Variants in NBAS observed in about 807,000 individuals in gnomAD.
NBAS encodes the protein NAG/BC035112 fusion.
In NBAS, 219 loss-of-function variants were observed where a neutral mutation model predicts 302.5. The ratio of observed to expected loss-of-function variants is 0.72; its 90% confidence interval spans 0.65 to 0.81. The LOEUF is 0.81. NBAS is among the 30% of genes least tolerant of loss of function. The pLI, the probability that NBAS is intolerant of heterozygous loss-of-function variation, is 0.00. For synonymous variants in NBAS, 1,118 were observed against 1,021.6 expected, an observed-to-expected ratio of 1.09 and a Z score of -1.80; for missense variants, 2,932 against 2,841.6, an observed-to-expected ratio of 1.03 and a Z score of -0.72.
the NBAS span, among the ~76,000 whole-genome samples, chr2:14,786,918 G>A: frequency 2.6e-5 from 4 of 152,134 alleles, no homozygotes; most frequent in African/African-American, 4.8e-5. Context: ...TGTTGACAGT[G>A]GGGTGTTAAA....
chr2:14,938,928 T>G, the NBAS span, among the ~76,000 whole-genome samples: 3 of 152,196 alleles, frequency 2.0e-5, no homozygotes, highest in African/African-American at 4.8e-5. Context: ...CTATAGAAAT[T>G]TTCTTTGGTC....
At chr2:15,543,375 G>A (rs1663945077) in intron 6 of NBAS, among the ~76,000 whole-genome samples, 1 of 152,074 alleles carries the variant, frequency 6.6e-6, no homozygotes, top group Non-Finnish European at 1.5e-5. Context: ...ACCCTAAGTA[G>A]CCTCTGAGCC....
chr2:15,109,527 A>G, the NBAS span, among the ~76,000 whole-genome samples: 2 of 152,158 alleles, frequency 1.3e-5, no homozygotes, highest in Non-Finnish European at 2.9e-5. Context: ...CTTCTGTAAC[A>G]GAATGCCATA....
intron 22 of NBAS, among the ~76,000 whole-genome samples, chr2:15,427,197 A>G (rs1485807452): frequency 6.6e-6 from 1 of 152,134 alleles, no homozygotes; most frequent in East Asian, 1.9e-4. Flanking sequence ...AAAAACAAAA[A>G]GGAAGAAGAG....
intron 1 of NBAS, among the ~76,000 whole-genome samples, chr2:15,559,011 C>T (rs1404981780): frequency 7.4e-6 from 1 of 135,652 alleles, no homozygotes; most frequent in Non-Finnish European, 1.6e-5. Context: ...TACAGTGAGC[C>T]CTGATCATGC....
At chr2:15,198,452 G>A (rs1277496216) in intron 48 of NBAS, among the ~76,000 whole-genome samples, 1 of 152,166 alleles carries the variant, frequency 6.6e-6, no homozygotes, top group Non-Finnish European at 1.5e-5. Context: ...ATTTGGACAT[G>A]TAGAGGTAAG....
At position 15,218,872 on chromosome 2, in the gene NBAS, C is replaced by G; in HGVS notation, c.6333G>C (p.Gln2111His). The change falls in exon 48 of 52, where the codon CAG becomes CAC. Residue 2111 changes from glutamine to histidine, a missense_variant. Physicochemically the swap from Gln to His is conservative, Grantham distance 24. Coordinates refer to ENST00000281513, the MANE Select transcript of NBAS (RefSeq NM_015909.4). Reference protein sequence around the residue: ...WPVRPRIHVLQILGQSFHLTE... With the variant: ...WPVRPRIHVLHILGQSFHLTE... ...TCAGGTGAAATGATTGCCCCAAAAT[C>G]TGCAGCACGTGAATGCGGGGCCGCA... The G allele has an allele frequency of 6.2e-7, 1 of 1,614,272 alleles. No individual in the cohort carries two copies. The highest frequency in any genetic ancestry group is 8.5e-7 in the Non-Finnish European group (1 of 1,180,054).
intron 32 of NBAS, among the ~76,000 whole-genome samples, chr2:15,359,821 G>C (rs915471770): frequency 5.3e-5 from 8 of 152,038 alleles, no homozygotes; most frequent in Non-Finnish European, 1.0e-4. Context: ...ATAATAGAAA[G>C]GCTCAAAAAA....
the NBAS span, among the ~76,000 whole-genome samples, chr2:14,811,604 C>T: frequency 4.7e-3 from 710 of 152,128 alleles, 11 homozygotes; most frequent in Middle Eastern, 3.4e-3. Flanking sequence ...TCATGCAATG[C>T]ACAGAATATC....
At chr2:15,051,506 C>A in the NBAS span, among the ~76,000 whole-genome samples, 1 of 152,318 alleles carries the variant, frequency 6.6e-6, no homozygotes, top group East Asian at 1.9e-4. Context: ...GGAGACCTAA[C>A]CCTCCAAGGG....
intron 31 of NBAS, among the ~76,000 whole-genome samples, chr2:15,367,624 C>G (rs752832911): frequency 6.6e-6 from 1 of 152,152 alleles, no homozygotes; most frequent in Non-Finnish European, 1.5e-5. Flanking sequence ...CAACCCAGCT[C>G]GCTAAATGTT....
the NBAS span, among the ~76,000 whole-genome samples, chr2:14,839,298 C>T: frequency 2.0e-5 from 3 of 150,796 alleles, no homozygotes; most frequent in Non-Finnish European, 4.4e-5. Context: ...CAAAATTTCA[C>T]CCAACTCAGG....
At chr2:14,996,690 T>A in the NBAS span, among the ~76,000 whole-genome samples, 1 of 152,182 alleles carries the variant, frequency 6.6e-6, no homozygotes, top group Non-Finnish European at 1.5e-5. Context: ...AGAAGCAGTC[T>A]GCTGGGGATC....
the NBAS span, among the ~76,000 whole-genome samples, chr2:15,075,162 A>C: frequency 5.3e-5 from 8 of 152,306 alleles, no homozygotes; most frequent in South Asian, 1.7e-3. Flanking sequence ...AACCTAAATT[A>C]TTTTTGGTAA....
chr2:15,539,405 T>A (rs775155018), intron 6 of NBAS, 49 bp from the exon 7 acceptor site: 12 of 1,608,066 alleles, frequency 7.5e-6, no homozygotes, highest in Non-Finnish European at 1.0e-5. Context: ...ATTACAAAGA[T>A]AGTTAATGCT....
In NBAS at chr2:15,218,928, G is replaced by A. The variant is rs200331420; in HGVS notation, c.6277C>T (p.Arg2093Trp). 7.4e-6 allele frequency: 12 copies of A among 1,612,416 alleles called. No homozygotes were observed. Among genetic ancestry groups the A allele is most frequent in the South Asian group, 5.5e-5 (5 of 91,086 alleles). ...CAGGCGTCATCAGCACAGAAAGGCC[G>A]CAGCCACTCCAGCAGGTCCTCAGGT... ...VSPEDLLEWL[R>W]PFCADDAWPV... The change falls in exon 48 of 52, where the codon CGG becomes TGG. Residue 2093 changes from arginine to tryptophan, a missense_variant. Physicochemically the swap from Arg to Trp is moderately radical, Grantham distance 101. Coordinates refer to ENST00000281513, the MANE Select transcript of NBAS (RefSeq NM_015909.4).
At chr2:15,546,936 A>G (rs555823652) in intron 6 of NBAS, among the ~76,000 whole-genome samples, 1 of 152,330 alleles carries the variant, frequency 6.6e-6, no homozygotes, top group East Asian at 1.9e-4. Flanking sequence ...TACCATACCT[A>G]TAGTAGGCAA....
At chr2:14,802,589 C>A in the NBAS span, among the ~76,000 whole-genome samples, 2 of 151,674 alleles carry the variant, frequency 1.3e-5, no homozygotes, top group Non-Finnish European at 2.9e-5. Flanking sequence ...CACATGCACA[C>A]GTATGTTTAT....
At chr2:15,238,798 C>A in intron 44 of NBAS, 112 bp from the exon 45 acceptor site, 2 of 914,600 alleles carry the variant, frequency 2.2e-6, no homozygotes, top group Non-Finnish European at 3.2e-6. Flanking sequence ...ATGATTTTAA[C>A]CAATAAATAG....
Sources: gnomAD v4.1 joint callset for allele counts (sites outside exome capture counted in the v4.1 genomes callset) on GRCh38, gnomAD v4.1.1 for gene constraint, MANE v1.5 for transcripts, NCBI Gene and HGNC (gene_info 2026-07-23, HGNC 2026-07-21) for gene names.